INPP5A: variants seen among roughly 807,000 people sequenced by gnomAD.
The protein encoded by INPP5A is 43 kDa inositol polyphosphate 5-phophatase.
In INPP5A, 14 loss-of-function variants were observed where a neutral mutation model predicts 65.2. That is an observed-to-expected ratio of 0.21 (90% CI 0.14 to 0.34). INPP5A has a LOEUF of 0.34. INPP5A is among the 10% of genes least tolerant of loss of function. The pLI, the probability that INPP5A is intolerant of heterozygous loss-of-function variation, is 1.00. For missense variants in INPP5A, 431 were observed against 545.6 expected (o/e 0.79, Z 2.09); for synonymous variants, 207 against 208.3 (o/e 0.99, Z 0.05).
intron 1 of INPP5A, among the ~76,000 whole-genome samples, chr10:132,599,683 C>G (rs2071752348): frequency 1.3e-5 from 2 of 152,262 alleles, no homozygotes; most frequent in South Asian, 4.1e-4. Flanking sequence ...CTGCACTGCC[C>G]TAGCAGAGAT....
chr10:132,704,908 G>A lies in INPP5A; in HGVS notation c.475-3405G>A, dbSNP rs1216839636. ...CTGGAGTGTGGAGGATGGAGGAAGG[G>A]CGTCTGGACAGGCGGCAGGCAGCTC... On this transcript the variant is annotated intron_variant, in intron 6 of 15. Coordinates refer to ENST00000368594, the MANE Select transcript of INPP5A (RefSeq NM_005539.5). The surrounding 1 kb of genome is among the most constrained non-coding windows in gnomAD (Gnocchi z 4.5). Among the ~76,000 whole-genome samples, 7 of 146,078 alleles carry A rather than the reference G, an allele frequency of 4.8e-5. No homozygotes were observed. The highest frequency in any genetic ancestry group is 1.8e-4 in the African/African-American group (7 of 39,766).
chr10:132,609,617 A>G (rs575544979), intron 2 of INPP5A, among the ~76,000 whole-genome samples: 1 of 152,236 alleles, frequency 6.6e-6, no homozygotes, highest in African/African-American at 2.4e-5. Flanking sequence ...TTCCTTTTTG[A>G]AAACTGTCTG....
rs372620601 is a variant in INPP5A at position 132,706,903 on chromosome 10, C to T, written c.475-1410C>T. On this transcript the variant is annotated intron_variant, in intron 6 of 15. Transcript: ENST00000368594. The surrounding 1 kb of genome is among the most constrained non-coding windows in gnomAD (Gnocchi z 4.7). ...CCAACAGGCCAGGCGAGATGAAGGG[C>T]GAGTGTCTGTAGGAGTTTGCCTGTG... Among the ~76,000 whole-genome samples the T allele has an allele frequency of 3.3e-5, 5 of 152,260 alleles. No individual in the cohort carries two copies. The highest frequency in any genetic ancestry group is 2.1e-4 in the South Asian group (1 of 4,828).
rs192226627 is a variant in INPP5A, at chr10:132,741,952, G to A, written c.733-7565G>A. ...AAGGATGCATACTTACAGAGAAGGC[G>A]CTCACTCCTGAGGGAGAGCAAAGGC... On this transcript the variant is annotated intron_variant, in intron 9 of 15. Coordinates refer to ENST00000368594, the MANE Select transcript of INPP5A (RefSeq NM_005539.5). The surrounding 1 kb of genome is among the most constrained non-coding windows in gnomAD (Gnocchi z 4.4). 3.1e-3 allele frequency among the ~76,000 whole-genome samples: 465 copies of A among 152,294 alleles called. 2 individuals are homozygous for A. Among genetic ancestry groups the A allele is most frequent in the African/African-American group, 0.011 (448 of 41,562 alleles).
intron 9 of INPP5A, among the ~76,000 whole-genome samples, chr10:132,733,562 G>T (rs145556099): frequency 2.6e-5 from 4 of 152,176 alleles, no homozygotes; most frequent in Non-Finnish European, 5.9e-5. Context: ...TTTAAAAAAG[G>T]TTTCTGACTG....
chr10:132,654,974 G>A (rs2072634482), intron 4 of INPP5A, among the ~76,000 whole-genome samples: 1 of 152,220 alleles, frequency 6.6e-6, no homozygotes, highest in Non-Finnish European at 1.5e-5. Flanking sequence ...AAAAAATGAG[G>A]ATATTAGGCT....
intron 6 of INPP5A, among the ~76,000 whole-genome samples, chr10:132,702,711 T>C (rs529004516): frequency 2.6e-5 from 4 of 152,194 alleles, no homozygotes; most frequent in Admixed American, 1.3e-4. Flanking sequence ...CTGACGCACA[T>C]GGGAAGCGCT....
intron 8 of INPP5A, among the ~76,000 whole-genome samples, chr10:132,723,452 G>GTGTGGGGATTGGCCA (rs1270007476): frequency 7.0e-6 from 1 of 142,708 alleles, no homozygotes; most frequent in Non-Finnish European, 1.5e-5. Context: ...GGGATTGGCC[G>GTGTGGGGATTGGCCA]TGTGGGGATT....
At chr10:132,617,269 C>G (rs748836872) in intron 2 of INPP5A, among the ~76,000 whole-genome samples, 1 of 152,144 alleles carries the variant, frequency 6.6e-6, no homozygotes, top group Admixed American at 6.5e-5. Flanking sequence ...AGACAGTCCC[C>G]GCCCTTCAGA....
chr10:132,564,777 A>G (rs530227997), intron 1 of INPP5A, among the ~76,000 whole-genome samples: 30 of 152,244 alleles, frequency 2.0e-4, no homozygotes, highest in African/African-American at 7.2e-4. Context: ...CTGGTGGCAG[A>G]TGGGCTCTTC....
intron 9 of INPP5A, among the ~76,000 whole-genome samples, chr10:132,746,126 G>T (rs969909927): frequency 2.0e-5 from 3 of 152,256 alleles, no homozygotes; most frequent in Non-Finnish European, 4.4e-5. Context: ...ACTTGGCCCA[G>T]GCAGGGCGCT....
At chr10:132,775,705 G>A (rs1432071337) in intron 12 of INPP5A, among the ~76,000 whole-genome samples, 3 of 152,164 alleles carry the variant, frequency 2.0e-5, no homozygotes, top group South Asian at 4.1e-4. Context: ...TGAGGAAGCC[G>A]CTGCCACTCT....
chr10:132,653,890 G>A (rs956654231), intron 4 of INPP5A, among the ~76,000 whole-genome samples: 13 of 152,310 alleles, frequency 8.5e-5, no homozygotes, highest in South Asian at 2.1e-4. Context: ...GGGCTGGGCC[G>A]GGCCCCTCCC....
intron 11 of INPP5A, among the ~76,000 whole-genome samples, chr10:132,757,701 C>T (rs558707668): frequency 3.9e-5 from 6 of 152,362 alleles, no homozygotes; most frequent in Middle Eastern, 3.4e-3. Context: ...GCTGGAAAGC[C>T]GAGCCCCACA....
intron 2 of INPP5A, among the ~76,000 whole-genome samples, chr10:132,610,247 G>A (rs2071924912): frequency 6.6e-6 from 1 of 152,236 alleles, no homozygotes; most frequent in Non-Finnish European, 1.5e-5. Flanking sequence ...AGGTCGATGT[G>A]GAGGAAGCCC....
rs553614876 is a variant in INPP5A at position 132,539,764 on chromosome 10, C to T, written c.75+1593C>T. Among the ~76,000 whole-genome samples the T allele has an allele frequency of 1.3e-4, 19 of 151,882 alleles. 1 individual carries two copies. In the South Asian group the frequency reaches 1.9e-3, roughly 15 times the overall value. On this transcript the variant is annotated intron_variant, in intron 1 of 15. Coordinates refer to ENST00000368594, the MANE Select transcript of INPP5A (RefSeq NM_005539.5). ...GACGGATGTGTGCCACTGATGCACG[C>T]GTGGTTTCCATTTCAGGAGGAGGTC...
chr10:132,775,188 G>GAGGGGCAGGGAGGAGGGGCAGGGA (rs1847040258), intron 12 of INPP5A, among the ~76,000 whole-genome samples: 25 of 1,750 alleles, frequency 0.014, 1 homozygote, highest in Non-Finnish European at 0.019. Context: ...CAGGGAGAGA[G>GAGGGGCAGGGAGGAGGGGCAGGGA]GGAGGGGCAG....
intron 9 of INPP5A, among the ~76,000 whole-genome samples, chr10:132,728,622 C>G (rs184162618): frequency 6.6e-6 from 1 of 152,236 alleles, no homozygotes; most frequent in Non-Finnish European, 1.5e-5. Context: ...AAGTACTTCC[C>G]GCTCTGACTG....
At chr10:132,567,096 G>A (rs1451756006) in intron 1 of INPP5A, among the ~76,000 whole-genome samples, 1 of 152,178 alleles carries the variant, frequency 6.6e-6, no homozygotes, top group Non-Finnish European at 1.5e-5. Context: ...GTCTGGAGGA[G>A]GGAGGCTCCC....
Sources: gnomAD v4.1 joint callset for allele counts (sites outside exome capture counted in the v4.1 genomes callset) on GRCh38, gnomAD v4.1.1 for gene constraint, Gnocchi (gnomAD v3.1) non-coding constraint, MANE v1.5 for transcripts, NCBI Gene and HGNC (gene_info 2026-07-23, HGNC 2026-07-21) for gene names.